The following ATP9B variants were observed in gnomAD, a reference collection of about 807,000 sequenced individuals.
ATP9B encodes probable phospholipid-transporting ATPase IIB.
A neutral mutation model predicts 146.1 loss-of-function variants in ATP9B; 110 were observed. That is an observed-to-expected ratio of 0.75 (90% CI 0.65 to 0.88). The LOEUF (loss-of-function observed/expected upper bound fraction) is 0.88, where lower values mean the gene tolerates loss of function less well. ATP9B is among the 40% of genes least tolerant of loss of function. The pLI is 0.00. For synonymous variants in ATP9B, 604 were observed against 569.7 expected (o/e 1.06, Z -0.86); for missense variants, 1,499 against 1,496.4 (o/e 1.00, Z -0.03).
intron 1 of ATP9B, among the ~76,000 whole-genome samples, chr18:79,080,464 G>A (rs1284295539): frequency 1.3e-5 from 2 of 151,906 alleles, no homozygotes; most frequent in Non-Finnish European, 2.9e-5. Context: ...AGGAATGCCT[G>A]TGATTTTTGC....
intron 26 of ATP9B, among the ~76,000 whole-genome samples, chr18:79,371,376 A>T (rs1243252086): frequency 1.2e-4 from 1 of 8,664 alleles, no homozygotes; most frequent in Admixed American, 1.7e-3. Flanking sequence ...GTCTTAAAAA[A>T]AAAAAAAAAA....
chr18:79,168,383 T>TG (rs1232770207), intron 7 of ATP9B, among the ~76,000 whole-genome samples: 4 of 151,760 alleles, frequency 2.6e-5, no homozygotes, highest in African/African-American at 9.7e-5. Context: ...ATTTTGTTTT[T>TG]TTTTTTTTTA....
At chr18:79,291,547 C>A (rs1173333768) in intron 13 of ATP9B, among the ~76,000 whole-genome samples, 1 of 152,196 alleles carries the variant, frequency 6.6e-6, no homozygotes, top group African/African-American at 2.4e-5. Context: ...GCTTCATCTT[C>A]ATATGTGAAG....
At chr18:79,367,084 C>G (rs112300807) in intron 26 of ATP9B, among the ~76,000 whole-genome samples, 10 of 125,280 alleles carry the variant, frequency 8.0e-5, no homozygotes, top group Non-Finnish European at 1.4e-4. Flanking sequence ...ACCGTGTGTA[C>G]GCAGAGAAAG....
At chr18:79,281,162 A>G (rs963483114) in intron 13 of ATP9B, among the ~76,000 whole-genome samples, 3 of 152,228 alleles carry the variant, frequency 2.0e-5, no homozygotes, top group Non-Finnish European at 2.9e-5. Flanking sequence ...TGAAAAAGAC[A>G]ACAAAATAAA....
chr18:79,191,840 T>C (rs1277432798), intron 8 of ATP9B, among the ~76,000 whole-genome samples: 2 of 152,244 alleles, frequency 1.3e-5, no homozygotes, highest in African/African-American at 4.8e-5. Context: ...ACCTTGTGTT[T>C]TTGTTTCTTC....
At chr18:79,143,761 T>C (rs2094542868) in intron 5 of ATP9B, 41 bp from the exon 6 acceptor site, 6 of 1,303,634 alleles carry the variant, frequency 4.6e-6, no homozygotes, top group African/African-American at 1.5e-5. Context: ...TTGGGTGTGC[T>C]GTTGTTTCCT....
intron 1 of ATP9B, among the ~76,000 whole-genome samples, chr18:79,071,889 G>GTTTTTTT (rs71161758): frequency 1.1e-5 from 1 of 91,456 alleles, no homozygotes; most frequent in African/African-American, 5.2e-5. Context: ...GTTTGGTTTT[G>GTTTTTTT]TTTTTTTTTT....
chr18:79,319,173 C>T (rs1427047124), intron 15 of ATP9B, among the ~76,000 whole-genome samples: 1 of 152,146 alleles, frequency 6.6e-6, no homozygotes, highest in East Asian at 1.9e-4. Context: ...CACTTTCAGG[C>T]AAGTTGGAGA....
At position 79,263,230 on chromosome 18, in the gene ATP9B, C is replaced by G. The variant is rs942940692; in HGVS notation, c.1268+9689C>G. The stretch of plus-strand genomic sequence containing the variant: ...CATATATAAATATATGCAGTCATCT[C>G]TTGGTTCCCATGGGGGATTGGTTCC... On this transcript the variant is annotated intron_variant, in intron 12 of 29. Transcript: ENST00000426216. Among the ~76,000 whole-genome samples, 4 of 152,194 alleles carry G rather than the reference C, an allele frequency of 2.6e-5. No individual in the cohort carries two copies. In the East Asian group the frequency reaches 5.8e-4, roughly 22 times the overall value.
At chr18:79,303,761 C>A in intron 14 of ATP9B, 45 bp downstream of exon 14, 1 of 1,438,858 alleles carries the variant, frequency 6.9e-7, no homozygotes, top group Non-Finnish European at 9.7e-7. Context: ...ACACACATCC[C>A]GCGCCATGAG....
intron 1 of ATP9B, among the ~76,000 whole-genome samples, chr18:79,074,226 C>T (rs1000223654): frequency 6.6e-6 from 1 of 152,064 alleles, no homozygotes; most frequent in South Asian, 2.1e-4. Flanking sequence ...CTAGGCCTGG[C>T]GTCTCTTACT....
intron 11 of ATP9B, among the ~76,000 whole-genome samples, chr18:79,231,462 C>A (rs1033485233): frequency 1.3e-5 from 2 of 152,118 alleles, no homozygotes; most frequent in African/African-American, 4.8e-5. Flanking sequence ...CTTACTCCTG[C>A]AAGAATGGCC....
At chr18:79,344,453 C>G (rs2096875196) in intron 21 of ATP9B, 99 bp downstream of exon 21, 2 of 1,037,904 alleles carry the variant, frequency 1.9e-6, no homozygotes, top group Non-Finnish European at 3.0e-6. Context: ...AAGGCTGGAC[C>G]CTGAGTGAGT....
At chr18:79,074,133 T>C (rs1246593036) in intron 1 of ATP9B, among the ~76,000 whole-genome samples, 1 of 152,208 alleles carries the variant, frequency 6.6e-6, no homozygotes, top group Non-Finnish European at 1.5e-5. Flanking sequence ...TGCTGTGATC[T>C]TTGGTCTGCT....
intron 4 of ATP9B, among the ~76,000 whole-genome samples, chr18:79,120,831 T>G (rs558040048): frequency 6.6e-6 from 1 of 152,358 alleles, no homozygotes; most frequent in East Asian, 1.9e-4. Flanking sequence ...GAGAAATCAA[T>G]CTATGAGGAC....
In ATP9B at chr18:79,337,265, C is replaced by T. The variant is rs2096832957; in HGVS notation, c.2113-14C>T. The T allele has an allele frequency of 6.2e-7, 1 of 1,613,482 alleles. No individual in the cohort carries two copies. The highest frequency in any genetic ancestry group is 1.1e-5 in the South Asian group (1 of 91,074). On this transcript the variant is annotated splice_polypyrimidine_tract_variant and intron_variant, in intron 18 of 29. Transcript: ENST00000426216. ...TACACGTGTGCACACAGGCGCCTCC[C>T]CCTCTGTCCCCAGAGCCGATACACT...
intron 1 of ATP9B, chr18:79,086,193 A>C (rs1431123429): frequency 2.6e-5 from 4 of 152,150 alleles, no homozygotes; most frequent in Non-Finnish European, 5.9e-5. Flanking sequence ...TAATCCCAGC[A>C]CTTTGGGAGT....
At chr18:79,352,179 T>C (rs1105429) in intron 25 of ATP9B, among the ~76,000 whole-genome samples, 35,293 of 152,214 alleles carry the variant, frequency 0.23, 4,819 homozygotes, top group East Asian at 0.52. Flanking sequence ...CGCCACATCA[T>C]AGCAGCCATT....
Sources: allele counts gnomAD v4.1 joint callset (sites outside exome capture counted in the v4.1 genomes callset), GRCh38; gene constraint gnomAD v4.1.1; transcripts MANE v1.5; gene names NCBI Gene and HGNC (gene_info 2026-07-23, HGNC 2026-07-21).